RLIM: variants seen among roughly 807,000 people sequenced by gnomAD.
RLIM encodes ring finger protein, LIM domain interacting, also known as E3 ubiquitin-protein ligase RLIM.
RLIM carries 2 observed loss-of-function variants against 34.0 expected under a neutral mutation model. The observed-to-expected ratio is 0.06, with a 90% CI of 0.02 to 0.19. The LOEUF (loss-of-function observed/expected upper bound fraction) is 0.19, where lower values mean the gene tolerates loss of function less well. Ranked by LOEUF, RLIM falls within the 10% of genes least tolerant of loss-of-function variation. RLIM has a pLI of 1.00. For missense variants in RLIM, 286 were observed against 479.7 expected (o/e 0.60, Z 3.77); for synonymous variants, 169 against 164.0 (o/e 1.03, Z -0.23).
chrX:74,595,047 ATAAG>A (rs767985726), intron 2 of RLIM, among the ~76,000 whole-genome samples: 4 of 111,398 alleles, frequency 3.6e-5, no homozygotes, highest in South Asian at 3.8e-4. Flanking sequence ...TCAAAAATAA[ATAAG>A]TAAGTAATTT....
intron 1 of RLIM, among the ~76,000 whole-genome samples, chrX:74,598,443 C>A (rs2079648188): frequency 9.1e-6 from 1 of 110,318 alleles, no homozygotes. Flanking sequence ...GCTTGGGCAA[C>A]ATAGTGAGAC....
Position 74,588,804 on chromosome X carries a change from A to G in RLIM, c.*2636T>C, listed in dbSNP as rs942953974. On this transcript the variant is annotated 3_prime_UTR_variant, in exon 4 of 4. Coordinates refer to ENST00000332687, the MANE Select transcript of RLIM (RefSeq NM_016120.4). ...ATGGTGTTTGGATGTGGGTGGGGGG[A>G]AAACGATTTTTGTTCTCCATTGTAA... 3.6e-5 allele frequency: 4 copies of G among 111,688 alleles called. No homozygotes were observed. Among genetic ancestry groups the G allele is most frequent in the African/African-American group, 1.3e-4 (4 of 30,769 alleles). 9.2% of individuals were successfully genotyped at this position (111,688 alleles called of 1,213,427 possible).
At chrX:74,593,593 A>G (rs1286426088) in intron 3 of RLIM, among the ~76,000 whole-genome samples, 2 of 112,802 alleles carry the variant, frequency 1.8e-5, no homozygotes, top group Non-Finnish European at 1.9e-5. Context: ...GCATTTGAAT[A>G]TTTCTTAATG....
At chrX:74,598,071 T>C (rs1056145774) in intron 1 of RLIM, among the ~76,000 whole-genome samples, 8 of 112,032 alleles carry the variant, frequency 7.1e-5, no homozygotes, top group African/African-American at 6.5e-5. Flanking sequence ...AGCAACAACA[T>C]TGGTATCACA....
intron 1 of RLIM, among the ~76,000 whole-genome samples, chrX:74,610,763 G>A (rs1012362288): frequency 4.6e-5 from 5 of 109,799 alleles, no homozygotes; most frequent in African/African-American, 1.0e-4. Context: ...GGTGGAGAGC[G>A]CCTGTACTCC....
rs200629905 is a variant in RLIM, at chrX:74,591,813, G to A, written c.1502C>T (p.Ser501Leu). The A allele has an allele frequency of 2.5e-6, 3 of 1,206,114 alleles. No homozygotes were observed. The highest frequency in any genetic ancestry group is 1.8e-5 in the African/African-American group (1 of 56,241). The change falls in exon 4 of 4, where the codon TCA becomes TTA. Residue 501 changes from serine (S) to leucine (L), a missense_variant. By Grantham distance (145) the Ser-to-Leu change is moderately radical. Coordinates refer to ENST00000332687, the MANE Select transcript of RLIM (RefSeq NM_016120.4). ...DLFEGSNEGSSSSGSSGARRE... is the reference protein window; with the variant it reads ...DLFEGSNEGSLSSGSSGARRE... The stretch of plus-strand genomic sequence containing the variant: ...CCTGGCACCTGATGAGCCTGATGAT[G>A]AGCTTCCTTCATTACTGCCTTCAAA...
chrX:74,599,290 C>T (rs1422472791), intron 1 of RLIM, among the ~76,000 whole-genome samples: 2 of 112,067 alleles, frequency 1.8e-5, no homozygotes, highest in East Asian at 5.6e-4. Context: ...ACATTCCACA[C>T]ATACTCATCA....
At chrX:74,603,529 GATTTC>G (rs1486792030) in intron 1 of RLIM, among the ~76,000 whole-genome samples, 1 of 111,551 alleles carries the variant, frequency 9.0e-6, no homozygotes, top group Non-Finnish European at 1.9e-5. Context: ...TTCCCAAATA[GATTTC>G]TTTTAGGGAA....
rs1569314171 is a variant in RLIM at position 74,610,908 on chromosome X, A to AT, written c.-24+3513_-24+3514insA. ...CCGTCTCAAAAAAATAAAAAAATAA[A>AT]AAATAAATAAATAAAAATACCTCAA... On this transcript the variant is annotated intron_variant, in intron 1 of 3. Coordinates refer to ENST00000332687, the MANE Select transcript of RLIM (RefSeq NM_016120.4). Among the ~76,000 whole-genome samples the AT allele has an allele frequency of 8.1e-5, 9 of 111,547 alleles. No homozygotes were observed. The East Asian group carries it at 1.4e-3, about 17-fold the overall frequency.
At chrX:74,599,503 A>T (rs2079652571) in intron 1 of RLIM, among the ~76,000 whole-genome samples, 1 of 111,856 alleles carries the variant, frequency 8.9e-6, no homozygotes, top group Non-Finnish European at 1.9e-5. Flanking sequence ...TGAAATCCTA[A>T]ATCCCAAGGT....
In RLIM at chrX:74,586,247, T is replaced by C. The variant is rs1453148791; in HGVS notation, c.*5193A>G. ...CACATACAAACCAGTTAAAAGAACATTAGTAATGGGGCACTAAATAGAGTT... is the reference window on the plus strand; with the variant it reads ...CACATACAAACCAGTTAAAAGAACACTAGTAATGGGGCACTAAATAGAGTT... On this transcript the variant is annotated 3_prime_UTR_variant, in exon 4 of 4. Coordinates refer to ENST00000332687, the MANE Select transcript of RLIM (RefSeq NM_016120.4). The C allele has an allele frequency of 9.0e-6, 1 of 111,718 alleles. No individual in the cohort carries two copies. The highest frequency in any genetic ancestry group is 1.9e-5 in the Non-Finnish European group (1 of 53,168). 9.2% of individuals were successfully genotyped at this position (111,718 alleles called of 1,213,427 possible).
chrX:74,608,746 G>A (rs2079693735), intron 1 of RLIM, among the ~76,000 whole-genome samples: 2 of 112,104 alleles, frequency 1.8e-5, no homozygotes, highest in Non-Finnish European at 3.8e-5. Flanking sequence ...TTACTAAAAC[G>A]CTCTAAAACA....
At chrX:74,613,175 T>C (rs1368536325) in intron 1 of RLIM, among the ~76,000 whole-genome samples, 1 of 110,948 alleles carries the variant, frequency 9.0e-6, no homozygotes, top group Non-Finnish European at 1.9e-5. Flanking sequence ...ATGTACTTAA[T>C]GGGGTGATAA....
intron 1 of RLIM, among the ~76,000 whole-genome samples, chrX:74,600,668 G>T (rs1441945699): frequency 9.0e-6 from 1 of 110,655 alleles, no homozygotes; most frequent in Non-Finnish European, 1.9e-5. Context: ...AAATAAAAGA[G>T]AAAACTCACA....
In RLIM at chrX:74,606,203, C is replaced by G. The variant is rs927557801; in HGVS notation, c.-24+8219G>C. ...AGTAATTTTTAAAAATACAGTTGCT[C>G]CTTAGATAAACAGCATATTTTATTA... On this transcript the variant is annotated intron_variant, in intron 1 of 3. Transcript: ENST00000332687. 1.9e-4 allele frequency among the ~76,000 whole-genome samples: 21 copies of G among 111,944 alleles called. No individual in the cohort carries two copies. In the Admixed American group the frequency reaches 1.9e-3, roughly 10 times the overall value.
At chrX:74,603,104 C>T (rs1430302373) in intron 1 of RLIM, among the ~76,000 whole-genome samples, 1 of 110,348 alleles carries the variant, frequency 9.1e-6, no homozygotes, top group Non-Finnish European at 1.9e-5. Flanking sequence ...CCAGAAGAGA[C>T]TGATTCCAAA....
chrX:74,597,894 G>T (rs1216450667), intron 1 of RLIM, among the ~76,000 whole-genome samples: 1 of 111,729 alleles, frequency 9.0e-6, no homozygotes, highest in East Asian at 2.8e-4. Context: ...GGCAAAGATG[G>T]ATTTATTTTC....
Position 74,595,791 on chromosome X carries a change from A to C in RLIM, c.169+18T>G. ...CAGCAACTTACACTTATAAATCCTT[A>C]AATATATGTAAGCATACCTGGGGTG... On this transcript the variant is annotated intron_variant, in intron 2 of 3. Coordinates refer to ENST00000332687, the MANE Select transcript of RLIM (RefSeq NM_016120.4). 8.7e-7 allele frequency: 1 copy of C among 1,146,714 alleles called. No individual in the cohort carries two copies. Among genetic ancestry groups the C allele is most frequent in the Middle Eastern group, 2.7e-4 (1 of 3,736 alleles). The allele number at this position is 1,146,714 out of a possible 1,213,427, so 94.5% of individuals were successfully genotyped here.
Position 74,592,200 on chromosome X carries a change from C to T in RLIM, c.1115G>A (p.Arg372Gln), listed in dbSNP as rs764084971. The T allele has an allele frequency of 4.7e-5, 57 of 1,210,066 alleles. No homozygotes were observed. The highest frequency in any genetic ancestry group is 6.0e-5 in the Non-Finnish European group (54 of 895,237). The part of the protein sequence containing the change: ...GFRRTFSRSE[R>Q]AGVRTYVSTI... Reference sequence around the variant, plus strand: ...ACTGACATAGGTTCTCACACCTGCCCGCTCAGAACGTGAAAATGTACGCCT... The same window carrying T: ...ACTGACATAGGTTCTCACACCTGCCTGCTCAGAACGTGAAAATGTACGCCT... Residue 372 changes from arginine to glutamine, a missense_variant, in exon 4 of 4, where the codon CGG (arginine) becomes CAG (glutamine). Physicochemically the swap from Arg to Gln is conservative, Grantham distance 43. Around this residue, in one of 6 missense-constraint regions of RLIM, gnomAD observed 121 missense variants for 182.4 expected, o/e 0.66. Coordinates refer to ENST00000332687, the MANE Select transcript of RLIM (RefSeq NM_016120.4).
Sources: allele counts gnomAD v4.1 joint callset (sites outside exome capture counted in the v4.1 genomes callset), GRCh38; gene constraint gnomAD v4.1.1; regional missense constraint gnomAD v4.1.1; transcripts MANE v1.5; gene names NCBI Gene and HGNC (gene_info 2026-07-23, HGNC 2026-07-21).